PABPC4L: variants seen among roughly 807,000 people sequenced by gnomAD.
The protein encoded by PABPC4L is polyadenylate-binding protein 4-like.
For synonymous variants in PABPC4L, 169 were observed against 164.1 expected (o/e 1.03, Z -0.23); for missense variants, 452 against 451.4 (o/e 1.00, Z -0.01).
the PABPC4L span, among the ~76,000 whole-genome samples, chr4:134,004,913 C>A: frequency 6.6e-6 from 1 of 151,786 alleles, no homozygotes; most frequent in South Asian, 2.1e-4. Context: ...TAATGGAAAT[C>A]ATAGAACCAG....
the PABPC4L span, among the ~76,000 whole-genome samples, chr4:133,981,865 G>A: frequency 1.3e-5 from 2 of 151,896 alleles, no homozygotes; most frequent in Non-Finnish European, 2.9e-5. Flanking sequence ...TACAAAGAAA[G>A]TAAGTACAGA....
chr4:134,060,134 G>A, the PABPC4L span, among the ~76,000 whole-genome samples: 5 of 152,198 alleles, frequency 3.3e-5, no homozygotes, highest in African/African-American at 9.6e-5. Context: ...CCCACCCATG[G>A]AGATAGCATT....
the PABPC4L span, among the ~76,000 whole-genome samples, chr4:134,145,446 C>A: frequency 6.6e-6 from 1 of 151,824 alleles, no homozygotes; most frequent in Admixed American, 6.6e-5. Flanking sequence ...ATTAAACCCC[C>A]CTTCCCACAC....
chr4:134,074,070 C>A, the PABPC4L span, among the ~76,000 whole-genome samples: 8 of 152,200 alleles, frequency 5.3e-5, no homozygotes, highest in African/African-American at 1.9e-4. Context: ...ATGCAAATTT[C>A]TGCAGCCAGC....
At chr4:134,104,212 A>G in the PABPC4L span, among the ~76,000 whole-genome samples, 2 of 151,770 alleles carry the variant, frequency 1.3e-5, no homozygotes, top group Non-Finnish European at 2.9e-5. Context: ...GGAAGTTCTC[A>G]AGCTGGCCTT....
chr4:134,015,543 A>T, the PABPC4L span, among the ~76,000 whole-genome samples: 5 of 152,242 alleles, frequency 3.3e-5, no homozygotes, highest in Non-Finnish European at 7.4e-5. Flanking sequence ...GGCTTCACAG[A>T]CAGCCCCCAT....
chr4:133,994,359 A>G, the PABPC4L span, among the ~76,000 whole-genome samples: 2 of 152,260 alleles, frequency 1.3e-5, no homozygotes, highest in Admixed American at 6.5e-5. Context: ...AACAGTGGCC[A>G]TTATTAGAAA....
chr4:134,111,418 A>G, the PABPC4L span, among the ~76,000 whole-genome samples: 2 of 151,928 alleles, frequency 1.3e-5, no homozygotes, highest in African/African-American at 4.8e-5. Context: ...TATAGATGAT[A>G]TAGCTAGATA....
rs1355665976 is a variant in PABPC4L, at chr4:134,200,526, C to A, written c.494G>T (p.Cys165Phe). Residue 165 changes from cysteine (C) to phenylalanine (F), a missense_variant, in exon 2 of 2, where the codon TGC (cysteine) becomes TTC (phenylalanine). Coordinates refer to ENST00000421491, the MANE Select transcript of PABPC4L (RefSeq NM_001114734.2). ...TTTGAATCTGCCAACAAACACCTTG[C>A]AGCCCTTGAGTAGTTTTCCATTCAT... ...EEMNGKLLKGCKVFVGRFKNR... is the reference protein window; with the variant it reads ...EEMNGKLLKGFKVFVGRFKNR... 6.4e-7 allele frequency: 1 copy of A among 1,551,640 alleles called. No individual in the cohort carries two copies. Among genetic ancestry groups the A allele is most frequent in the South Asian group, 1.2e-5 (1 of 84,064 alleles).
the PABPC4L span, among the ~76,000 whole-genome samples, chr4:134,070,847 G>A: frequency 6.6e-6 from 1 of 152,130 alleles, no homozygotes; most frequent in African/African-American, 2.4e-5. Context: ...GAGGCCAGCA[G>A]AAAAGAGAGA....
At chr4:134,058,153 C>T in the PABPC4L span, among the ~76,000 whole-genome samples, 2 of 150,956 alleles carry the variant, frequency 1.3e-5, no homozygotes, top group Admixed American at 1.3e-4. Flanking sequence ...CACTAATTAG[C>T]CAATTGTGAA....
the PABPC4L span, among the ~76,000 whole-genome samples, chr4:134,119,572 A>T: frequency 3.3e-5 from 5 of 151,724 alleles, no homozygotes; most frequent in Non-Finnish European, 7.4e-5. Context: ...TTTTTTATGT[A>T]ACCTATTTAT....
chr4:134,134,786 C>T, the PABPC4L span, among the ~76,000 whole-genome samples: 3 of 151,210 alleles, frequency 2.0e-5, no homozygotes, highest in Admixed American at 1.3e-4. Context: ...ACTTTATCTA[C>T]ATATATGAAA....
chr4:134,200,244 A>G lies in PABPC4L; in HGVS notation c.776T>C (p.Leu259Pro). 6.4e-7 allele frequency: 1 copy of G among 1,553,422 alleles called. No individual in the cohort carries two copies. The highest frequency in any genetic ancestry group is 8.7e-7 in the Non-Finnish European group (1 of 1,147,864). Residue 259 changes from leucine to proline, a missense_variant, in exon 2 of 2, where the codon CTG (leucine) becomes CCG (proline). Leu to Pro is a moderately conservative substitution (Grantham distance 98). Coordinates refer to ENST00000421491, the MANE Select transcript of PABPC4L (RefSeq NM_001114734.2). ...EMNGRDINGQ[L>P]IFVGRAQKKV... ...CTTTTGAGCCCGGCCTACAAAAATC[A>G]GCTGCCCATTTATGTCCCTTCCATT...
At chr4:134,012,026 T>C in the PABPC4L span, among the ~76,000 whole-genome samples, 11 of 152,144 alleles carry the variant, frequency 7.2e-5, no homozygotes, top group Admixed American at 7.2e-4. Flanking sequence ...TTGAAATCTC[T>C]ATTAATATAT....
the PABPC4L span, among the ~76,000 whole-genome samples, chr4:134,167,204 G>T: frequency 0.011 from 1,729 of 152,086 alleles, 35 homozygotes; most frequent in African/African-American, 0.037. Flanking sequence ...GCTAACTATG[G>T]ACTGTGTGTG....
chr4:134,167,684 A>G, the PABPC4L span, among the ~76,000 whole-genome samples: 3 of 151,682 alleles, frequency 2.0e-5, no homozygotes, highest in Admixed American at 6.6e-5. Flanking sequence ...CTGTAAAAAG[A>G]GACAAAGAAA....
chr4:134,031,443 TACTC>T, the PABPC4L span, among the ~76,000 whole-genome samples: 3 of 152,136 alleles, frequency 2.0e-5, no homozygotes, highest in South Asian at 4.1e-4. Flanking sequence ...CATCATGTAT[TACTC>T]ACAGTAAATT....
the PABPC4L span, among the ~76,000 whole-genome samples, chr4:134,082,500 A>T: frequency 6.6e-6 from 1 of 152,164 alleles, no homozygotes; most frequent in Non-Finnish European, 1.5e-5. Context: ...CTAGGATGAA[A>T]GCTATCATGT....
Sources: gnomAD v4.1 joint callset for allele counts (sites outside exome capture counted in the v4.1 genomes callset) on GRCh38, gnomAD v4.1.1 for gene constraint, MANE v1.5 for transcripts, NCBI Gene and HGNC (gene_info 2026-07-23, HGNC 2026-07-21) for gene names.